The following IGSF5 variants were observed in gnomAD, a reference collection of about 807,000 sequenced individuals.
The protein encoded by IGSF5 is immunoglobulin superfamily member 5, also known as immunoglobulin superfamily 5 like.
IGSF5 carries 41 observed loss-of-function variants against 39.4 expected under a neutral mutation model. That is an observed-to-expected ratio of 1.04 (90% confidence interval 0.81 to 1.35). The LOEUF (loss-of-function observed/expected upper bound fraction) is 1.35, where lower values mean the gene tolerates loss of function less well. IGSF5 is among the 40% of genes most tolerant of loss of function. The pLI, the probability that IGSF5 is intolerant of heterozygous loss-of-function variation, is 0.00. For synonymous variants in IGSF5, 183 were observed against 175.3 expected (o/e 1.04, Z -0.34); for missense variants, 487 against 494.6 (o/e 0.98, Z 0.15).
chr21:39,782,546 G>A (rs530600367), intron 5 of IGSF5, among the ~76,000 whole-genome samples: 3 of 151,994 alleles, frequency 2.0e-5, no homozygotes, highest in African/African-American at 7.3e-5. Flanking sequence ...TGGCAACCAC[G>A]ATTCTACTTT....
the IGSF5 span, among the ~76,000 whole-genome samples, chr21:39,728,148 A>G: frequency 6.6e-6 from 1 of 152,058 alleles, no homozygotes; most frequent in Admixed American, 6.5e-5. Context: ...TCACTGTTAC[A>G]GGTTGAATTG....
chr21:39,746,327 C>A, intron 2 of IGSF5, 29 bp downstream of exon 2: 1 of 700,266 alleles, frequency 1.4e-6, no homozygotes, highest in East Asian at 2.7e-5. Flanking sequence ...CGAGCCGTAA[C>A]AAACACGGAC....
the IGSF5 span, among the ~76,000 whole-genome samples, chr21:39,717,165 T>C: frequency 0.11 from 16,272 of 152,208 alleles, 1,176 homozygotes; most frequent in East Asian, 0.22. Flanking sequence ...GAAGTGTCTG[T>C]TTATGTCTTA....
intron 2 of IGSF5, among the ~76,000 whole-genome samples, chr21:39,758,425 G>A (rs1381430605): frequency 6.6e-6 from 1 of 152,176 alleles, no homozygotes; most frequent in Non-Finnish European, 1.5e-5. Context: ...CTGCTGAAAT[G>A]TCCCTTCCCC....
At chr21:39,743,428 T>C (rs1296075163), upstream of IGSF5, among the ~76,000 whole-genome samples, 4 of 149,146 alleles carry the variant, frequency 2.7e-5, no homozygotes, top group African/African-American at 1.0e-4. Flanking sequence ...AGAATTTACC[T>C]AGGTCTATTT....
intron 2 of IGSF5, among the ~76,000 whole-genome samples, chr21:39,764,388 T>C (rs1329438927): frequency 2.6e-5 from 4 of 152,146 alleles, no homozygotes; most frequent in Non-Finnish European, 4.4e-5. Flanking sequence ...TTGCCCAGGC[T>C]CTAGTGCGGT....
the IGSF5 span, among the ~76,000 whole-genome samples, chr21:39,717,622 GT>G: frequency 1.3e-5 from 2 of 152,166 alleles, no homozygotes; most frequent in Admixed American, 1.3e-4. Context: ...GCTTGCTTTT[GT>G]CAACTTTGTC....
At chr21:39,770,823 CAAAACT>C in intron 3 of IGSF5, 87 bp from the exon 4 acceptor site, 1 of 964,718 alleles carries the variant, frequency 1.0e-6, no homozygotes, top group South Asian at 3.3e-5. Flanking sequence ...TAATTTGAAG[CAAAACT>C]TAAAAAAAAA....
intron 3 of IGSF5, among the ~76,000 whole-genome samples, chr21:39,766,053 T>G (rs1347954269): frequency 6.6e-6 from 1 of 152,166 alleles, no homozygotes; most frequent in Non-Finnish European, 1.5e-5. Flanking sequence ...CCTCCTCACT[T>G]CTTCTTCCCT....
At chr21:39,747,387 T>C (rs1339881645) in intron 2 of IGSF5, among the ~76,000 whole-genome samples, 1 of 152,082 alleles carries the variant, frequency 6.6e-6, no homozygotes, top group African/African-American at 2.4e-5. Flanking sequence ...GGAGGACAAT[T>C]CAAGATGAGA....
At chr21:39,769,560 C>G (rs993086003) in intron 3 of IGSF5, among the ~76,000 whole-genome samples, 1 of 151,430 alleles carries the variant, frequency 6.6e-6, no homozygotes, top group South Asian at 2.1e-4. Flanking sequence ...TTAAATACTC[C>G]TCACTGTTCC....
intron 2 of IGSF5, among the ~76,000 whole-genome samples, chr21:39,748,511 A>G (rs1186382383): frequency 6.6e-6 from 1 of 151,792 alleles, no homozygotes; most frequent in Non-Finnish European, 1.5e-5. Context: ...GGGTTTCACC[A>G]TATTGGCCAG....
At chr21:39,727,409 A>C in the IGSF5 span, among the ~76,000 whole-genome samples, 1 of 152,214 alleles carries the variant, frequency 6.6e-6, no homozygotes, top group Admixed American at 6.5e-5. Flanking sequence ...CAGGGGACTG[A>C]AACACAGCTG....
chr21:39,716,822 T>C, the IGSF5 span, among the ~76,000 whole-genome samples: 1 of 152,220 alleles, frequency 6.6e-6, no homozygotes, highest in Non-Finnish European at 1.5e-5. Flanking sequence ...TGTGCATGCG[T>C]CTTTATGGCA....
At chr21:39,731,883 T>A in the IGSF5 span, among the ~76,000 whole-genome samples, 1 of 152,228 alleles carries the variant, frequency 6.6e-6, no homozygotes, top group African/African-American at 2.4e-5. Context: ...AATAGTTTGT[T>A]ATTTGCCAAT....
intron 2 of IGSF5, among the ~76,000 whole-genome samples, chr21:39,762,626 A>G (rs189376020): frequency 6.6e-6 from 1 of 152,286 alleles, no homozygotes; most frequent in East Asian, 1.9e-4. Flanking sequence ...TTCAGAAGGT[A>G]ATTTACCCCA....
intron 7 of IGSF5, among the ~76,000 whole-genome samples, chr21:39,792,639 T>C (rs1210935955): frequency 6.6e-6 from 1 of 152,122 alleles, no homozygotes; most frequent in African/African-American, 2.4e-5. Flanking sequence ...CAATTTCAAG[T>C]AGAGTCAAGT....
chr21:39,721,743 C>A, the IGSF5 span, among the ~76,000 whole-genome samples: 3 of 151,206 alleles, frequency 2.0e-5, no homozygotes, highest in Non-Finnish European at 4.4e-5. Flanking sequence ...CCCATCCATT[C>A]ATTTTTCCAT....
At chr21:39,726,131 A>T in the IGSF5 span, 2 of 152,172 alleles carry the variant, frequency 1.3e-5, no homozygotes, top group South Asian at 4.2e-4. Flanking sequence ...GTCAGTTTTA[A>T]CTGTGTGTGG....
Sources: gnomAD v4.1 joint callset for allele counts (sites outside exome capture counted in the v4.1 genomes callset) on GRCh38, gnomAD v4.1.1 for gene constraint, MANE v1.5 for transcripts, NCBI Gene and HGNC (gene_info 2026-07-23, HGNC 2026-07-21) for gene names.